Variants in SLC17A1 observed in about 807,000 individuals in gnomAD.
The protein encoded by SLC17A1 is solute carrier family 17 member 1, also known as sodium-dependent phosphate transport protein 1.
In SLC17A1, 51 loss-of-function variants were observed where a neutral mutation model predicts 53.5. The ratio of observed to expected loss-of-function variants is 0.95; its 90% CI spans 0.76 to 1.20. The LOEUF is 1.20. Ranked by LOEUF, SLC17A1 falls within the 50% of genes most tolerant of loss-of-function variation. The probability of loss-of-function intolerance (pLI) is 0.00; values close to 1 mark genes in which losing one functional copy is unlikely to be tolerated. For missense variants in SLC17A1, 538 were observed against 568.2 expected, an observed-to-expected ratio of 0.95 and a Z score of 0.54; for synonymous variants, 179 against 198.8, an observed-to-expected ratio of 0.90 and a Z score of 0.84.
chr6:25,825,303 T>C (rs1764702327), intron 3 of SLC17A1, among the ~76,000 whole-genome samples: 1 of 129,020 alleles, frequency 7.8e-6, no homozygotes, highest in African/African-American at 3.1e-5. Flanking sequence ...TTCGTATATA[T>C]GAAGGGAAAA....
downstream of SLC17A1, chr6:25,778,155 T>G (rs1581432846): frequency 1.7e-6 from 1 of 597,488 alleles, no homozygotes; most frequent in East Asian, 2.8e-5. Flanking sequence ...GACTTAAGAA[T>G]TAAAGAAACT....
the SLC17A1 span, chr6:25,776,860 C>T: frequency 6.2e-7 from 1 of 1,613,968 alleles, no homozygotes; most frequent in Non-Finnish European, 8.5e-7. Context: ...TGGGTCAGAT[C>T]CAGCCACAGC....
At chr6:25,729,728 T>C in the SLC17A1 span, among the ~76,000 whole-genome samples, 14 of 147,830 alleles carry the variant, frequency 9.5e-5, no homozygotes, top group Admixed American at 9.5e-4. Context: ...TATGTAAGAC[T>C]GCTTTCCGTG....
chr6:25,824,702 T>C lies in SLC17A1; in HGVS notation c.207+1759A>G, dbSNP rs906117929. Among the ~76,000 whole-genome samples the C allele has an allele frequency of 3.3e-5, 5 of 151,722 alleles. No homozygotes were observed. In the South Asian group the frequency reaches 6.2e-4, roughly 19 times the overall value. ...AAATAGTTTTTTCAGGTATAAATGA[T>C]ATATCAAGAGAGGAGATAAAATTCA... On this transcript the variant is annotated intron_variant, in intron 3 of 12. Transcript: ENST00000244527.
At chr6:25,773,689 A>G in the SLC17A1 span, 1 of 1,609,670 alleles carries the variant, frequency 6.2e-7, no homozygotes, top group South Asian at 1.1e-5. Flanking sequence ...GTACAGAGAA[A>G]GCTCATTCTG....
At chr6:25,748,477 G>A in the SLC17A1 span, among the ~76,000 whole-genome samples, 7 of 152,170 alleles carry the variant, frequency 4.6e-5, 1 homozygote, top group Non-Finnish European at 1.0e-4. Flanking sequence ...GAAAAAATGG[G>A]AGGAGTGAAG....
intron 3 of SLC17A1, among the ~76,000 whole-genome samples, chr6:25,825,144 G>C (rs1054513098): frequency 2.0e-5 from 3 of 151,906 alleles, no homozygotes; most frequent in African/African-American, 7.2e-5. Flanking sequence ...TAGAATATTT[G>C]AGGATCTTTA....
At chr6:25,733,637 TACAA>T in the SLC17A1 span, among the ~76,000 whole-genome samples, 1 of 152,126 alleles carries the variant, frequency 6.6e-6, no homozygotes, top group South Asian at 2.1e-4. Context: ...CACACTAAGA[TACAA>T]ACCTATAATT....
rs563472302 is a variant in SLC17A1 at position 25,824,428 on chromosome 6, GAATA to G, written c.207+2029_207+2032del. On this transcript the variant is annotated intron_variant, in intron 3 of 12. Coordinates refer to ENST00000244527, the MANE Select transcript of SLC17A1 (RefSeq NM_005074.5). ...ATAAATAAACAAAAAATTTAAAAAA[GAATA>G]AATGAAAGTGGAAAATATTTTATTT... Among the ~76,000 whole-genome samples, 104 of 151,690 alleles carry G rather than the reference GAATA, an allele frequency of 6.9e-4. 1 individual carries two copies. Among genetic ancestry groups the G allele is most frequent in the African/African-American group, 2.4e-3 (98 of 41,472 alleles).
At chr6:25,748,287 A>G in the SLC17A1 span, among the ~76,000 whole-genome samples, 216 of 152,320 alleles carry the variant, frequency 1.4e-3, no homozygotes, top group African/African-American at 4.9e-3. Flanking sequence ...TGAGCTCACA[A>G]TCTGAAATTA....
intron 11 of SLC17A1, among the ~76,000 whole-genome samples, chr6:25,799,787 C>T (rs1763700305): frequency 6.6e-6 from 1 of 152,226 alleles, no homozygotes; most frequent in Non-Finnish European, 1.5e-5. Flanking sequence ...GTCAGCTCTG[C>T]ACACCTGAGT....
chr6:25,819,715 G>A lies in SLC17A1; in HGVS notation c.408C>T (p.Val136=), dbSNP rs771236745. 8.1e-6 allele frequency: 13 copies of A among 1,613,980 alleles called. No homozygotes were observed. The highest frequency in any genetic ancestry group is 3.3e-5 in the Admixed American group (2 of 59,994). The change falls in exon 4 of 13, where the codon GTC becomes GTT. Residue 136 remains valine, a synonymous_variant. Coordinates refer to ENST00000244527, the MANE Select transcript of SLC17A1 (RefSeq NM_005074.5). ...CTCCCTGAACTGCTCGACATACAAC[G>A]ACCCAAGCTACTCCAATTCCAGCTG... ...PPAAGIGVAW[V]VVCRAVQGAA...
At position 25,811,565 on chromosome 6, in the gene SLC17A1, A is replaced by T; in HGVS notation, c.1031-20T>A. ...GAAATCCTGGGGAGTGATTCAGACA[A>T]CATAGTCAGGTGCATCCTAAAGATA... is the stretch of plus-strand genomic sequence containing the variant. On this transcript the variant is annotated intron_variant, in intron 9 of 12. Coordinates refer to ENST00000244527, the MANE Select transcript of SLC17A1 (RefSeq NM_005074.5). 6.2e-7 allele frequency: 1 copy of T among 1,613,654 alleles called. No individual in the cohort carries two copies.
chr6:25,777,917 C>A, downstream of SLC17A1: 1 of 1,604,814 alleles, frequency 6.2e-7, no homozygotes, highest in Non-Finnish European at 8.5e-7. Flanking sequence ...TACCATCTCT[C>A]TCTCTCAGGT....
the SLC17A1 span, chr6:25,731,906 C>T: frequency 2.5e-6 from 4 of 1,602,668 alleles, no homozygotes; most frequent in East Asian, 2.3e-5. Flanking sequence ...TGGTCGAGCG[C>T]TTGTCATAAT....
downstream of SLC17A1, chr6:25,782,893 A>T (rs181432722): frequency 2.2e-3 from 332 of 152,318 alleles, no homozygotes; most frequent in African/African-American, 7.4e-3. Flanking sequence ...TTGTGGAAAA[A>T]GTCTTTCATG....
chr6:25,815,911 CTT>C (rs59495721), intron 6 of SLC17A1, among the ~76,000 whole-genome samples: 44,710 of 134,348 alleles, frequency 0.33, 7,350 homozygotes, highest in East Asian at 0.68. Flanking sequence ...AAAATGCTTA[CTT>C]TTTTTTTTTT....
chr6:25,725,593 T>A, the SLC17A1 span, among the ~76,000 whole-genome samples: 1 of 152,106 alleles, frequency 6.6e-6, no homozygotes, highest in Admixed American at 6.6e-5. Flanking sequence ...TTAACATAAC[T>A]AACATACATA....
intron 2 of SLC17A1, 149 bp from the exon 3 acceptor site, chr6:25,826,782 TA>T: frequency 2.3e-6 from 1 of 434,864 alleles, no homozygotes; most frequent in Non-Finnish European, 4.0e-6. Flanking sequence ...TATTATATAA[TA>T]AGAAGATGTG....
Sources: gnomAD v4.1 joint callset for allele counts (sites outside exome capture counted in the v4.1 genomes callset) on GRCh38, gnomAD v4.1.1 for gene constraint, MANE v1.5 for transcripts, NCBI Gene and HGNC (gene_info 2026-07-23, HGNC 2026-07-21) for gene names.